SREK1: variants seen among roughly 807,000 people sequenced by gnomAD.
SREK1 encodes splicing regulatory glutamic acid and lysine rich protein 1, also known as splicing regulatory glutamine/lysine-rich protein 1.
A neutral mutation model predicts 66.5 loss-of-function variants in SREK1; 13 were observed. The observed-to-expected ratio is 0.20, with a 90% CI of 0.13 to 0.31. SREK1 has a LOEUF of 0.31. Ranked by LOEUF, SREK1 falls within the 10% of genes least tolerant of loss-of-function variation. SREK1 has a pLI of 1.00. For missense variants in SREK1, 607 were observed against 769.6 expected, an observed-to-expected ratio of 0.79 and a Z score of 2.50; for synonymous variants, 265 against 263.5, an observed-to-expected ratio of 1.01 and a Z score of -0.05.
At chr5:66,159,015 T>C (rs1744510808) in intron 2 of SREK1, 1 of 1,405,880 alleles carries the variant, frequency 7.1e-7, no homozygotes, top group South Asian at 1.4e-5. Flanking sequence ...ATTGTTAATA[T>C]TTGAAGTTTT....
At chr5:66,162,065 A>G in intron 3 of SREK1, 44 bp from the exon 4 acceptor site, 3 of 1,580,774 alleles carry the variant, frequency 1.9e-6, no homozygotes, top group African/African-American at 1.4e-5. Flanking sequence ...TTGGATACTA[A>G]TAGAAAATAT....
chr5:66,163,321 C>G (rs572136138), intron 5 of SREK1: 1 of 153,148 alleles, frequency 6.5e-6, no homozygotes, highest in East Asian at 1.9e-4. Context: ...TTTTCAGATG[C>G]CTTGCACATT....
Position 66,179,333 on chromosome 5 carries a change from C to T in SREK1, c.*465C>T, listed in dbSNP as rs1746324558. The T allele has an allele frequency of 6.6e-6, 1 of 152,402 alleles. No homozygotes were observed. Among genetic ancestry groups the T allele is most frequent in the South Asian group, 2.1e-4 (1 of 4,824 alleles). 9.4% of individuals were successfully genotyped at this position (152,402 alleles called of 1,614,324 possible). A position where few individuals can be genotyped will look rare whatever the true frequency, so the allele number is the denominator to read the frequency against. ...TGAAATTGGTGCAAATATATACACA[C>T]CCTTGTAAGTGCAAAGTATGTAAGA... On this transcript the variant is annotated 3_prime_UTR_variant, in exon 12 of 12. Coordinates refer to ENST00000334121, the MANE Select transcript of SREK1 (RefSeq NM_001077199.3).
At chr5:66,159,006 T>G in intron 2 of SREK1, 1 of 1,393,362 alleles carries the variant, frequency 7.2e-7, no homozygotes, top group Non-Finnish European at 9.4e-7. Context: ...ATTAATGAGA[T>G]TGTTAATATT....
At chr5:66,175,798 T>A (rs1746009112) in intron 10 of SREK1, among the ~76,000 whole-genome samples, 1 of 152,156 alleles carries the variant, frequency 6.6e-6, no homozygotes. Flanking sequence ...TGTTGGCCTT[T>A]TTGTTTCCTT....
chr5:66,172,822 GA>G (rs1009252130), intron 9 of SREK1, among the ~76,000 whole-genome samples: 3 of 135,370 alleles, frequency 2.2e-5, no homozygotes, highest in Admixed American at 7.3e-5. Flanking sequence ...CAATTTCTTT[GA>G]ATTTTTTTTT....
chr5:66,144,686 C>T, intron 1 of SREK1, 149 bp downstream of exon 1: 2 of 1,348,150 alleles, frequency 1.5e-6, no homozygotes, highest in Non-Finnish European at 9.8e-7. Flanking sequence ...ATTAGGGCAC[C>T]CGGGTTCCGC....
intron 2 of SREK1, 192 bp from the exon 3 acceptor site, chr5:66,159,027 C>T (rs1744511719): frequency 1.4e-6 from 2 of 1,413,844 alleles, no homozygotes; most frequent in Non-Finnish European, 1.8e-6. Flanking sequence ...TGAAGTTTTG[C>T]TCACTTTTAT....
intron 2 of SREK1, chr5:66,157,406 A>G (rs765965619): frequency 1.0e-5 from 10 of 984,534 alleles, no homozygotes; most frequent in Non-Finnish European, 1.2e-5. Flanking sequence ...CTAGATTAGA[A>G]CTCTGAGTTT....
At chr5:66,176,382 C>CT (rs1170937280) in intron 10 of SREK1, among the ~76,000 whole-genome samples, 1 of 152,056 alleles carries the variant, frequency 6.6e-6, no homozygotes, top group African/African-American at 2.4e-5. Flanking sequence ...CCCCTCATTG[C>CT]TTTTTTGAGT....
chr5:66,153,606 T>C lies in SREK1; in HGVS notation c.295+10T>C. Reference sequence around the variant, plus strand: ...GTTCCTTGTGCAGAAGGTTGGTATCTCGCTTTTTTTCCTCTTATTTGAATT... The same window carrying C: ...GTTCCTTGTGCAGAAGGTTGGTATCCCGCTTTTTTTCCTCTTATTTGAATT... On this transcript the variant is annotated intron_variant, in intron 2 of 11. Transcript: ENST00000334121. 6.2e-7 allele frequency: 1 copy of C among 1,613,908 alleles called. No individual in the cohort carries two copies. Among genetic ancestry groups the C allele is most frequent in the Non-Finnish European group, 8.5e-7 (1 of 1,179,888 alleles).
Position 66,179,136 on chromosome 5 carries a change from T to A in SREK1, c.*268T>A, listed in dbSNP as rs1746308075. Reference sequence around the variant, plus strand: ...CTGACACACTTGTCATGTGGTCTGTTAGTGTTTGCCAAGAACCATTGCAAA... The same window carrying A: ...CTGACACACTTGTCATGTGGTCTGTAAGTGTTTGCCAAGAACCATTGCAAA... On this transcript the variant is annotated 3_prime_UTR_variant, in exon 12 of 12. Transcript: ENST00000334121. 3.9e-6 allele frequency: 1 copy of A among 253,258 alleles called. No individual in the cohort carries two copies. Among genetic ancestry groups the A allele is most frequent in the Admixed American group, 5.3e-5 (1 of 19,036 alleles). The allele number at this position is 253,258 out of a possible 1,614,324, so 15.7% of individuals were successfully genotyped here. A position where few individuals can be genotyped will look rare whatever the true frequency, so the allele number is the denominator to read the frequency against.
intron 1 of SREK1, among the ~76,000 whole-genome samples, chr5:66,145,969 A>G (rs916140848): frequency 2.0e-5 from 3 of 151,844 alleles, no homozygotes; most frequent in African/African-American, 7.3e-5. Flanking sequence ...GATGAGATAT[A>G]TAGATGAGGT....
intron 1 of SREK1, among the ~76,000 whole-genome samples, chr5:66,149,253 G>A (rs938418019): frequency 2.0e-5 from 3 of 151,960 alleles, no homozygotes; most frequent in East Asian, 1.9e-4. Context: ...CTTGGGAGGC[G>A]GCAGGAGAAT....
In SREK1 at chr5:66,146,546, G is replaced by A. The variant is rs76929456; in HGVS notation, c.161+2009G>A. On this transcript the variant is annotated intron_variant, in intron 1 of 11. Transcript: ENST00000334121. ...CACATTAAGCAAAATTGTTGCATAC[G>A]TGTAATATATATAGGCCAGGCAAAA... is the stretch of plus-strand genomic sequence containing the variant. 8.6e-3 allele frequency among the ~76,000 whole-genome samples: 1,312 copies of A among 152,044 alleles called. 22 individuals are homozygous for A. Among genetic ancestry groups the A allele is most frequent in the African/African-American group, 0.03 (1,226 of 41,452 alleles).
chr5:66,177,410 A>G (rs1330377225), intron 10 of SREK1, 104 bp from the exon 11 acceptor site: 3 of 975,222 alleles, frequency 3.1e-6, no homozygotes, highest in Non-Finnish European at 4.3e-6. Flanking sequence ...CTTATTAACA[A>G]TGCATTATTT....
chr5:66,157,588 T>A, intron 2 of SREK1: 1 of 967,064 alleles, frequency 1.0e-6, no homozygotes, highest in Non-Finnish European at 1.2e-6. Context: ...TATAAATACA[T>A]GTGTTAATAC....
intron 6 of SREK1, 70 bp from the exon 7 acceptor site, chr5:66,164,713 T>G: frequency 6.2e-7 from 1 of 1,611,976 alleles, no homozygotes; most frequent in Non-Finnish European, 8.5e-7. Flanking sequence ...ACATTCCACT[T>G]GTGCCTGATT....
intron 1 of SREK1, among the ~76,000 whole-genome samples, chr5:66,148,413 A>G (rs1252327737): frequency 6.6e-6 from 1 of 152,234 alleles, no homozygotes; most frequent in African/African-American, 2.4e-5. Context: ...CAAAATAACC[A>G]GTTAGGGCCA....
Sources: gnomAD v4.1 joint callset for allele counts (sites outside exome capture counted in the v4.1 genomes callset) on GRCh38, gnomAD v4.1.1 for gene constraint, MANE v1.5 for transcripts, NCBI Gene and HGNC (gene_info 2026-07-23, HGNC 2026-07-21) for gene names.